AMOTL1: variants seen among roughly 807,000 people sequenced by gnomAD.
AMOTL1 encodes the protein angiomotin like 1, also known as angiomotin-like protein 1.
AMOTL1 carries 45 observed loss-of-function variants against 102.9 expected under a neutral mutation model. The ratio of observed to expected loss-of-function variants is 0.44; its 90% CI spans 0.34 to 0.56. The LOEUF is 0.56. Ranked by LOEUF, AMOTL1 falls within the 20% of genes least tolerant of loss-of-function variation. AMOTL1 has a pLI of 0.01. For synonymous variants in AMOTL1, 481 were observed against 484.7 expected, an observed-to-expected ratio of 0.99 and a Z score of 0.10; for missense variants, 1,114 against 1,225.6, an observed-to-expected ratio of 0.91 and a Z score of 1.36.
At chr11:94,850,557 C>T (rs1231313360) in intron 7 of AMOTL1, among the ~76,000 whole-genome samples, 1 of 152,228 alleles carries the variant, frequency 6.6e-6, no homozygotes, top group African/African-American at 2.4e-5. Flanking sequence ...TCATGCATTG[C>T]ATTTAGTAGT....
intron 10 of AMOTL1, 147 bp downstream of exon 10, chr11:94,865,007 A>T (rs1952852098): frequency 8.3e-7 from 1 of 1,212,106 alleles, no homozygotes; most frequent in Non-Finnish European, 1.1e-6. Context: ...CCATGGAGAG[A>T]AGGAAAAGGT....
chr11:94,828,173 T>A (rs1952002774), intron 4 of AMOTL1, among the ~76,000 whole-genome samples: 2 of 152,196 alleles, frequency 1.3e-5, no homozygotes, highest in Admixed American at 1.3e-4. Context: ...TTATCTTGGT[T>A]AAGTCTCCTT....
rs187895359 is a variant in AMOTL1 at position 94,864,960 on chromosome 11, C to T, written c.2261+100C>T. 2.0e-4 allele frequency: 280 copies of T among 1,410,260 alleles called. 1 individual carries two copies. In the South Asian group the frequency reaches 4.7e-3, roughly 24 times the overall value. The allele number at this position is 1,410,260 out of a possible 1,614,324, so 87.4% of individuals were successfully genotyped here. ...CTGTCCTGTTCTGAAAGGCTGTGAGCATGAGGTCTCCAAAAACTCTCCTCC... is the reference window on the plus strand; with the variant it reads ...CTGTCCTGTTCTGAAAGGCTGTGAGTATGAGGTCTCCAAAAACTCTCCTCC... On this transcript the variant is annotated intron_variant, in intron 10 of 12. Transcript: ENST00000433060.
chr11:94,856,898 G>A (rs1042523306), intron 8 of AMOTL1, among the ~76,000 whole-genome samples: 2 of 152,184 alleles, frequency 1.3e-5, no homozygotes, highest in African/African-American at 4.8e-5. Context: ...CTTATGCCGG[G>A]ACACAGCTGA....
At chr11:94,752,505 ATG>A (rs1950669013) in intron 3 of AMOTL1, among the ~76,000 whole-genome samples, 1 of 152,232 alleles carries the variant, frequency 6.6e-6, no homozygotes, top group Non-Finnish European at 1.5e-5. Flanking sequence ...ACCCCTGCTT[ATG>A]AACATTTATC....
At chr11:94,731,882 T>C (rs1182431135) in intron 2 of AMOTL1, among the ~76,000 whole-genome samples, 1 of 152,170 alleles carries the variant, frequency 6.6e-6, no homozygotes. Flanking sequence ...TACAAACTTG[T>C]ATTGCTGGTT....
chr11:94,717,787 T>C (rs183234453), intron 1 of AMOTL1, among the ~76,000 whole-genome samples: 1 of 151,796 alleles, frequency 6.6e-6, no homozygotes, highest in African/African-American at 2.4e-5. Flanking sequence ...AAGATCAAAA[T>C]ATACTTTAAA....
intron 1 of AMOTL1, among the ~76,000 whole-genome samples, chr11:94,783,991 A>C (rs1217668856): frequency 4.0e-5 from 6 of 151,872 alleles, no homozygotes; most frequent in Admixed American, 6.6e-5. Context: ...CCTTATGGCT[A>C]TGAGCCCTGT....
intron 11 of AMOTL1, among the ~76,000 whole-genome samples, 185 bp from the exon 12 acceptor site, chr11:94,869,013 A>AT (rs963611922): frequency 6.6e-6 from 1 of 151,590 alleles, no homozygotes; most frequent in Non-Finnish European, 1.5e-5. Flanking sequence ...TAGGTCTTCC[A>AT]TTTTTTATTC....
chr11:94,859,452 G>T (rs1166279321), intron 8 of AMOTL1, 73 bp from the exon 9 acceptor site: 3 of 1,427,472 alleles, frequency 2.1e-6, no homozygotes, highest in Non-Finnish European at 1.9e-6. Flanking sequence ...AACCTCATGT[G>T]TTCTGTATGG....
intron 1 of AMOTL1, among the ~76,000 whole-genome samples, chr11:94,779,612 T>G (rs778267777): frequency 6.6e-6 from 1 of 152,168 alleles, no homozygotes; most frequent in Non-Finnish European, 1.5e-5. Flanking sequence ...TTTTCCCCTT[T>G]AAGACATTGT....
intron 8 of AMOTL1, among the ~76,000 whole-genome samples, chr11:94,856,312 T>C (rs1341677520): frequency 2.0e-5 from 3 of 152,228 alleles, no homozygotes; most frequent in Non-Finnish European, 4.4e-5. Flanking sequence ...AAGCATACAT[T>C]ATCTTATAAC....
chr11:94,852,585 T>C (rs1215453361), intron 7 of AMOTL1, among the ~76,000 whole-genome samples: 20 of 152,254 alleles, frequency 1.3e-4, no homozygotes, highest in Admixed American at 1.0e-3. Flanking sequence ...AAACTCCTAA[T>C]TGGAAGAAAA....
intron 5 of AMOTL1, among the ~76,000 whole-genome samples, chr11:94,830,467 C>A (rs748386312): frequency 2.6e-5 from 4 of 152,234 alleles, no homozygotes; most frequent in African/African-American, 4.8e-5. Flanking sequence ...TTTGCGGCTC[C>A]TTCTTGCTTT....
chr11:94,725,913 T>C (rs1433144097), intron 1 of AMOTL1, among the ~76,000 whole-genome samples: 1 of 152,146 alleles, frequency 6.6e-6, no homozygotes, highest in African/African-American at 2.4e-5. Context: ...ATGCGTGCTT[T>C]AAAAATACTA....
At position 94,869,349 on chromosome 11, in the gene AMOTL1, CAA is replaced by C; in HGVS notation, c.2641_2642del (p.Lys881GlufsTer51). Reference sequence around the variant, plus strand: ...GCAAGGACAGCAGCACACAGACTGACAAGAGTGCCGAGCTCTTCTGGCCCAGC... The same window carrying C: ...GCAAGGACAGCAGCACACAGACTGACGAGTGCCGAGCTCTTCTGGCCCAGC... ...GSKDSSTQTD[K>X]SAELFWPSMA... On this transcript the variant is annotated frameshift_variant, in exon 12 of 13. Transcript: ENST00000433060. LOFTEE classifies it high-confidence loss of function. The C allele has an allele frequency of 6.2e-7, 1 of 1,611,434 alleles. No homozygotes were observed. Among genetic ancestry groups the C allele is most frequent in the African/African-American group, 1.3e-5 (1 of 74,966 alleles).
At chr11:94,708,066 A>G (rs898274329) in intron 1 of AMOTL1, among the ~76,000 whole-genome samples, 3 of 151,972 alleles carry the variant, frequency 2.0e-5, no homozygotes, top group Admixed American at 2.0e-4. Flanking sequence ...ATCTCTCCAA[A>G]TGGTTTACAT....
chr11:94,759,029 A>G (rs1263909844), intron 3 of AMOTL1, among the ~76,000 whole-genome samples: 1 of 152,232 alleles, frequency 6.6e-6, no homozygotes, highest in Non-Finnish European at 1.5e-5. Context: ...CGGATTAGAT[A>G]TGTTTTTTTC....
At chr11:94,806,181 G>T (rs12421118) in intron 3 of AMOTL1, among the ~76,000 whole-genome samples, 40,532 of 152,132 alleles carry the variant, frequency 0.27, 5,987 homozygotes, top group East Asian at 0.46. Context: ...TAAAGATAAC[G>T]CCTGTCCTCA....
Sources: gnomAD v4.1 joint callset for allele counts (sites outside exome capture counted in the v4.1 genomes callset) on GRCh38, gnomAD v4.1.1 for gene constraint, MANE v1.5 for transcripts, NCBI Gene and HGNC (gene_info 2026-07-23, HGNC 2026-07-21) for gene names.